Variants in AGMO observed in about 807,000 individuals in gnomAD.
The protein encoded by AGMO is alkylglycerol monooxygenase, also known as glyceryl-ether monooxygenase.
Under a neutral mutation model 60.2 loss-of-function variants are expected in AGMO, and 75 were observed. The observed-to-expected ratio is 1.25, with a 90% CI of 1.03 to 1.51. The LOEUF (loss-of-function observed/expected upper bound fraction) is 1.51. Among genes scored for constraint, AGMO ranks in the 40% most tolerant of loss-of-function variants. The pLI is 0.00. For missense variants in AGMO, 763 were observed against 525.5 expected (o/e 1.45, Z -4.42); for synonymous variants, 261 against 177.1 (o/e 1.47, Z -3.76).
chr7:15,347,205 C>T (rs1027681637), intron 12 of AGMO, among the ~76,000 whole-genome samples: 3 of 151,986 alleles, frequency 2.0e-5, no homozygotes, highest in Admixed American at 6.6e-5. Flanking sequence ...ATTGTATGCA[C>T]GTACAACCGT....
intron 5 of AGMO, chr7:15,396,602 A>C (rs547088827): frequency 2.0e-5 from 3 of 152,316 alleles, no homozygotes; most frequent in Non-Finnish European, 4.4e-5. Context: ...GCCAGCTTTT[A>C]TTCCCTTATC....
chr7:15,248,755 T>C (rs1265825454), intron 12 of AGMO, among the ~76,000 whole-genome samples: 1 of 152,218 alleles, frequency 6.6e-6, no homozygotes, highest in Non-Finnish European at 1.5e-5. Flanking sequence ...GGCATGTAGA[T>C]GCCATCATAA....
chr7:15,390,941 A>C, intron 6 of AGMO, 36 bp from the exon 7 acceptor site: 1 of 1,340,696 alleles, frequency 7.5e-7, no homozygotes, highest in Non-Finnish European at 1.0e-6. Context: ...TTTTTCAGAA[A>C]AATAGTTATG....
intron 12 of AGMO, among the ~76,000 whole-genome samples, chr7:15,230,167 A>G (rs1382924584): frequency 6.6e-6 from 1 of 152,164 alleles, no homozygotes; most frequent in African/African-American, 2.4e-5. Flanking sequence ...AAATAAGAAG[A>G]AACAGTAATA....
At chr7:15,384,128 G>A (rs368817108) in intron 10 of AGMO, among the ~76,000 whole-genome samples, 4 of 152,032 alleles carry the variant, frequency 2.6e-5, no homozygotes, top group South Asian at 2.1e-4. Context: ...CAGTAGAGAC[G>A]TGGTTTCACC....
chr7:15,534,651 T>G (rs2128543975), intron 3 of AGMO, among the ~76,000 whole-genome samples: 1 of 151,996 alleles, frequency 6.6e-6, no homozygotes, highest in African/African-American at 2.4e-5. Context: ...TAGAAATCAA[T>G]ATGACATTCT....
intron 5 of AGMO, among the ~76,000 whole-genome samples, chr7:15,401,665 C>T (rs1784555146): frequency 6.6e-6 from 1 of 152,036 alleles, no homozygotes; most frequent in Non-Finnish European, 1.5e-5. Flanking sequence ...AGAAGGCATG[C>T]ATCTATGGTT....
At chr7:15,327,610 T>C (rs1223148821) in intron 12 of AGMO, among the ~76,000 whole-genome samples, 2 of 151,976 alleles carry the variant, frequency 1.3e-5, no homozygotes, top group South Asian at 2.1e-4. Context: ...TATAGCACAG[T>C]GATATGGGAA....
intron 12 of AGMO, among the ~76,000 whole-genome samples, chr7:15,275,633 C>T (rs542251933): frequency 1.3e-3 from 196 of 152,196 alleles, no homozygotes; most frequent in African/African-American, 4.0e-3. Context: ...CTTCTGTCAC[C>T]AGTGGGGTGT....
chr7:15,225,575 C>G (rs1294941520), intron 12 of AGMO, among the ~76,000 whole-genome samples: 1 of 151,722 alleles, frequency 6.6e-6, no homozygotes, highest in East Asian at 1.9e-4. Context: ...TTGGTAATAT[C>G]CTTTTTTAAA....
At chr7:15,266,220 T>TTA (rs891731240) in intron 12 of AGMO, among the ~76,000 whole-genome samples, 1 of 152,116 alleles carries the variant, frequency 6.6e-6, no homozygotes, top group African/African-American at 2.4e-5. Context: ...TAGGTATTGT[T>TTA]TAATAGGGAA....
At chr7:15,156,094 T>C in the AGMO span, among the ~76,000 whole-genome samples, 152,227 of 152,236 alleles carry the variant, frequency 1, 76,109 homozygotes, top group Non-Finnish European at 1. Flanking sequence ...GGGTGGGGGG[T>C]CCTTGTACAT....
At chr7:15,198,215 G>GAGAGAGAGAGAGAGAGAC (rs1781172285), downstream of AGMO, among the ~76,000 whole-genome samples, 1 of 97,784 alleles carries the variant, frequency 1.0e-5, no homozygotes, top group African/African-American at 5.7e-5. Context: ...GAGAGAGAGA[G>GAGAGAGAGAGAGAGAGAC]AGAGAGAGAG....
At chr7:15,140,826 A>G in the AGMO span, among the ~76,000 whole-genome samples, 1 of 151,982 alleles carries the variant, frequency 6.6e-6, no homozygotes, top group African/African-American at 2.4e-5. Context: ...GCATATGTTT[A>G]TTTCATATTT....
At chr7:15,309,601 T>A (rs1780710159) in intron 12 of AGMO, among the ~76,000 whole-genome samples, 1 of 152,156 alleles carries the variant, frequency 6.6e-6, no homozygotes, top group Non-Finnish European at 1.5e-5. Flanking sequence ...AAAAGACAGG[T>A]CCCTAATTAT....
chr7:15,537,560 G>A (rs775892349), intron 3 of AGMO, among the ~76,000 whole-genome samples: 4 of 151,918 alleles, frequency 2.6e-5, no homozygotes, highest in East Asian at 1.9e-4. Flanking sequence ...TTGCACAGCC[G>A]CCCTCGGTTC....
Position 15,303,573 on chromosome 7 carries a change from C to T in AGMO, c.1263+61941G>A, listed in dbSNP as rs191317860. 9.9e-5 allele frequency among the ~76,000 whole-genome samples: 15 copies of T among 152,100 alleles called. No homozygotes were observed. In the East Asian group the frequency reaches 2.1e-3, roughly 22 times the overall value. ...AAGTGATCTTGCTTGACCTGTGACG[C>T]GAGCATGGGGATGACCTCGGCTGTT... On this transcript the variant is annotated intron_variant, in intron 12 of 12. Transcript: ENST00000342526.
chr7:15,452,045 G>T (rs1428983109), intron 3 of AGMO, among the ~76,000 whole-genome samples: 1 of 152,144 alleles, frequency 6.6e-6, no homozygotes, highest in African/African-American at 2.4e-5. Flanking sequence ...CTAGGTTGAA[G>T]TTCATCTACA....
Position 15,270,595 on chromosome 7 carries a change from AATTTTTTTTTTTTTTTTT to A in AGMO, c.1264-69254_1264-69237del, listed in dbSNP as rs1186146965. Among the ~76,000 whole-genome samples, 6 of 57,662 alleles carry A rather than the reference AATTTTTTTTTTTTTTTTT, an allele frequency of 1.0e-4. No individual in the cohort carries two copies. In the East Asian group the frequency reaches 1.3e-3, roughly 12 times the overall value. The allele number at this position is 57,662 out of a possible 152,430, so 37.8% of individuals were successfully genotyped here. The stretch of plus-strand genomic sequence containing the variant: ...GATTAAACAAATTTAATCTGTTGAT[AATTTTTTTTTTTTTTTTT>A]TTTTTTTTTTTTTTTTTTTTTTTTG... On this transcript the variant is annotated intron_variant, in intron 12 of 12. Coordinates refer to ENST00000342526, the MANE Select transcript of AGMO (RefSeq NM_001004320.2).
Sources: allele counts gnomAD v4.1 joint callset (sites outside exome capture counted in the v4.1 genomes callset), GRCh38; gene constraint gnomAD v4.1.1; transcripts MANE v1.5; gene names NCBI Gene and HGNC (gene_info 2026-07-23, HGNC 2026-07-21).